The following SUZ12 variants were observed in gnomAD, a reference collection of about 807,000 sequenced individuals.
The protein encoded by SUZ12 is SUZ12 polycomb repressive complex 2 subunit.
In SUZ12, 17 loss-of-function variants were observed where a neutral mutation model predicts 87.3. That is an observed-to-expected ratio of 0.19 (90% CI 0.13 to 0.29). The LOEUF is 0.29. Ranked by LOEUF, SUZ12 falls within the 10% of genes least tolerant of loss-of-function variation. The pLI is 1.00. For synonymous variants in SUZ12, 253 were observed against 312.4 expected (o/e 0.81, Z 2.01); for missense variants, 526 against 912.2 (o/e 0.58, Z 5.45).
At chr17:31,981,022 T>G (rs1909072403) in intron 8 of SUZ12, among the ~76,000 whole-genome samples, 1 of 151,080 alleles carries the variant, frequency 6.6e-6, no homozygotes, top group Non-Finnish European at 1.5e-5. Flanking sequence ...ACACAGCGAC[T>G]GTCAAAAAAA....
intron 1 of SUZ12, 74 bp downstream of exon 1, chr17:31,937,594 C>A (rs1175319145): frequency 8.6e-6 from 13 of 1,514,280 alleles, no homozygotes; most frequent in African/African-American, 1.4e-5. Flanking sequence ...TCTGCTGGGC[C>A]CCCTTCCTCC....
chr17:31,941,621 C>G (rs1906290096), intron 3 of SUZ12, among the ~76,000 whole-genome samples: 2 of 150,784 alleles, frequency 1.3e-5, no homozygotes, highest in Non-Finnish European at 2.9e-5. Context: ...GCAACCTCGG[C>G]TCACTGCAAC....
At position 31,999,089 on chromosome 17, in the gene SUZ12, C is replaced by A; in HGVS notation, c.*86C>A. 2 of 1,193,044 alleles carry A rather than the reference C, an allele frequency of 1.7e-6. No individual in the cohort carries two copies. The highest frequency in any genetic ancestry group is 1.1e-6 in the Non-Finnish European group (1 of 880,896). The allele number at this position is 1,193,044 out of a possible 1,614,324, so 73.9% of individuals were successfully genotyped here. On this transcript the variant is annotated 3_prime_UTR_variant, in exon 16 of 16. Coordinates refer to ENST00000322652, the MANE Select transcript of SUZ12 (RefSeq NM_015355.4). ...TAAGAATTATGTTTTTGTTTTTAAT[C>A]ATATGTTCCAAACAGGCACTGTTAG...
intron 3 of SUZ12, among the ~76,000 whole-genome samples, chr17:31,941,742 G>C (rs1391469569): frequency 2.0e-5 from 3 of 151,492 alleles, no homozygotes; most frequent in African/African-American, 7.3e-5. Context: ...GTAGAGATGG[G>C]GTTTCTCTGT....
At chr17:31,957,895 C>CTTTTTT (rs1181314058) in intron 4 of SUZ12, among the ~76,000 whole-genome samples, 1 of 91,330 alleles carries the variant, frequency 1.1e-5, no homozygotes, top group Non-Finnish European at 2.2e-5. Context: ...ACCTTTTGTC[C>CTTTTTT]TTTTTTTTTT....
intron 14 of SUZ12, 126 bp from the exon 15 acceptor site, chr17:31,996,672 A>G: frequency 1.7e-6 from 1 of 577,128 alleles, no homozygotes; most frequent in South Asian, 2.6e-5. Flanking sequence ...GTTAATTTTA[A>G]GAAATGTTGC....
chr17:31,981,355 A>G (rs1260708210), intron 8 of SUZ12, among the ~76,000 whole-genome samples: 2 of 152,216 alleles, frequency 1.3e-5, no homozygotes, highest in South Asian at 2.1e-4. Context: ...ACGACAAAAC[A>G]TCTGAATTAA....
chr17:31,942,246 A>G (rs190098360), intron 3 of SUZ12, among the ~76,000 whole-genome samples: 13 of 152,246 alleles, frequency 8.5e-5, no homozygotes, highest in Admixed American at 7.9e-4. Flanking sequence ...AATTTAAGTT[A>G]ATTTTTGATT....
At chr17:31,961,157 G>A (rs567491303) in intron 4 of SUZ12, among the ~76,000 whole-genome samples, 1 of 152,034 alleles carries the variant, frequency 6.6e-6, no homozygotes, top group East Asian at 1.9e-4. Flanking sequence ...AAGTTACAGT[G>A]AGCCGAGATC....
In SUZ12 at chr17:31,980,136, C is replaced by T. The variant is rs9909008; in HGVS notation, c.918-2863C>T. On this transcript the variant is annotated intron_variant, in intron 8 of 15. Coordinates refer to ENST00000322652, the MANE Select transcript of SUZ12 (RefSeq NM_015355.4). ...CCCAGGAGTTTGAGACCAGTTTGGG[C>T]AACATAGCAAGACCTCGTTCCTAAA... Among the ~76,000 whole-genome samples the T allele has an allele frequency of 8.5e-3, 1,280 of 151,256 alleles. 17 individuals are homozygous for T. The highest frequency in any genetic ancestry group is 0.03 in the African/African-American group (1,226 of 41,120).
At chr17:31,955,439 T>C (rs1907253109) in intron 4 of SUZ12, among the ~76,000 whole-genome samples, 1 of 152,010 alleles carries the variant, frequency 6.6e-6, no homozygotes, top group African/African-American at 2.4e-5. Flanking sequence ...CAAGATACCA[T>C]GCCTGGATGA....
chr17:31,942,485 A>G (rs1906360935), intron 3 of SUZ12, among the ~76,000 whole-genome samples: 1 of 151,992 alleles, frequency 6.6e-6, no homozygotes. Flanking sequence ...ACAGGTGCCC[A>G]CCACCACGCC....
At chr17:31,951,526 A>G (rs1415123861) in intron 4 of SUZ12, among the ~76,000 whole-genome samples, 1 of 143,156 alleles carries the variant, frequency 7.0e-6, no homozygotes, top group Non-Finnish European at 1.5e-5. Flanking sequence ...TCTGTCACCC[A>G]GGCTGGAGTG....
chr17:31,961,864 A>G (rs1170900098), intron 4 of SUZ12, among the ~76,000 whole-genome samples: 3 of 152,196 alleles, frequency 2.0e-5, no homozygotes, highest in South Asian at 2.1e-4. Flanking sequence ...AATAATACTA[A>G]TAGTACTGCA....
intron 9 of SUZ12, among the ~76,000 whole-genome samples, chr17:31,986,858 T>C (rs1411148303): frequency 1.3e-5 from 2 of 152,222 alleles, no homozygotes; most frequent in Admixed American, 1.3e-4. Context: ...TCCTCTAATC[T>C]AAATAGTTTT....
Position 31,993,225 on chromosome 17 carries a change from A to G in SUZ12, c.1202-17A>G, listed in dbSNP as rs1909811343. ...AAAAGCAATGTTTTTATTGAATATA[A>G]AAGTGTATGTTTTCAGCTGTTAAAG... On this transcript the variant is annotated splice_polypyrimidine_tract_variant and intron_variant, in intron 10 of 15. Coordinates refer to ENST00000322652, the MANE Select transcript of SUZ12 (RefSeq NM_015355.4). 6.6e-7 allele frequency: 1 copy of G among 1,513,718 alleles called. No individual in the cohort carries two copies. Among genetic ancestry groups the G allele is most frequent in the Non-Finnish European group, 8.9e-7 (1 of 1,122,102 alleles). 93.8% of individuals were successfully genotyped at this position (1,513,718 alleles called of 1,614,324 possible).
At chr17:31,998,352 T>C (rs1232997068) in intron 15 of SUZ12, among the ~76,000 whole-genome samples, 1 of 152,128 alleles carries the variant, frequency 6.6e-6, no homozygotes. Context: ...GTGCTAGAAT[T>C]ACAGGCGTAA....
At chr17:31,955,708 A>G (rs1369091478) in intron 4 of SUZ12, among the ~76,000 whole-genome samples, 3 of 151,744 alleles carry the variant, frequency 2.0e-5, no homozygotes, top group Admixed American at 1.3e-4. Flanking sequence ...AGATCGCGCC[A>G]TTGCACTCCA....
rs997573646 is a variant in SUZ12, at chr17:31,937,143, C to G, written c.-104C>G. 2.9e-6 allele frequency: 3 copies of G among 1,028,108 alleles called. No homozygotes were observed. Among genetic ancestry groups the G allele is most frequent in the Non-Finnish European group, 3.9e-6 (3 of 771,334 alleles). The allele number at this position is 1,028,108 out of a possible 1,614,324, so 63.7% of individuals were successfully genotyped here. ...TCCTCCCCTCTCTCCTCCTTCCCCC[C>G]TCGGTCCGCCGGAGCCTGCTGGGGC... On this transcript the variant is annotated 5_prime_UTR_variant, in exon 1 of 16. Coordinates refer to ENST00000322652, the MANE Select transcript of SUZ12 (RefSeq NM_015355.4).
Sources: allele counts gnomAD v4.1 joint callset (sites outside exome capture counted in the v4.1 genomes callset), GRCh38; gene constraint gnomAD v4.1.1; transcripts MANE v1.5; gene names NCBI Gene and HGNC (gene_info 2026-07-23, HGNC 2026-07-21).